CYB5R4: variants seen among roughly 807,000 people sequenced by gnomAD.
CYB5R4 encodes N-terminal cytochrome b5 and cytochrome b5 oxidoreductase domain-containing protein.
CYB5R4 carries 55 observed loss-of-function variants against 70.2 expected under a neutral mutation model. The ratio of observed to expected loss-of-function variants is 0.78; its 90% CI spans 0.63 to 0.98. CYB5R4 has a LOEUF of 0.98. Ranked by LOEUF, CYB5R4 falls within the 50% of genes least tolerant of loss-of-function variation. The pLI is 0.00. For synonymous variants in CYB5R4, 197 were observed against 199.5 expected, an observed-to-expected ratio of 0.99 and a Z score of 0.11; for missense variants, 562 against 612.6, an observed-to-expected ratio of 0.92 and a Z score of 0.87.
At chr6:83,951,241 T>G (rs2099471467) in intron 14 of CYB5R4, among the ~76,000 whole-genome samples, 1 of 152,206 alleles carries the variant, frequency 6.6e-6, no homozygotes, top group East Asian at 1.9e-4. Flanking sequence ...TCAATACCTC[T>G]CTAACTATTC....
intron 2 of CYB5R4, among the ~76,000 whole-genome samples, chr6:83,888,441 C>T (rs1443922559): frequency 6.6e-6 from 1 of 152,128 alleles, no homozygotes; most frequent in Non-Finnish European, 1.5e-5. Flanking sequence ...GTCTCTGTGT[C>T]ACATTTTGAT....
At chr6:83,901,030 C>T (rs1043174736) in intron 3 of CYB5R4, among the ~76,000 whole-genome samples, 21 of 152,296 alleles carry the variant, frequency 1.4e-4, no homozygotes, top group Non-Finnish European at 1.9e-4. Context: ...TTACTTTGCT[C>T]GTTAGCTGAT....
chr6:83,905,327 G>A (rs1223299578), intron 3 of CYB5R4, among the ~76,000 whole-genome samples: 5 of 152,226 alleles, frequency 3.3e-5, no homozygotes, highest in Non-Finnish European at 7.3e-5. Flanking sequence ...AAAGTGCGGA[G>A]CCACTGCGCC....
At chr6:83,874,566 A>C (rs1219541635) in intron 2 of CYB5R4, among the ~76,000 whole-genome samples, 5 of 149,586 alleles carry the variant, frequency 3.3e-5, no homozygotes, top group Admixed American at 3.3e-4. Context: ...TGTTCTTACC[A>C]GTCCTTTCCA....
chr6:83,912,392 A>G (rs528929590), intron 4 of CYB5R4, among the ~76,000 whole-genome samples: 1 of 152,362 alleles, frequency 6.6e-6, no homozygotes, highest in East Asian at 1.9e-4. Flanking sequence ...AAGAATGAGC[A>G]TATTGGTAAA....
chr6:83,940,842 C>T (rs1056205613), intron 14 of CYB5R4, among the ~76,000 whole-genome samples: 3 of 152,112 alleles, frequency 2.0e-5, no homozygotes, highest in African/African-American at 7.2e-5. Context: ...GCTTTATGAT[C>T]ATGTTATGTG....
chr6:83,908,860 C>G lies in CYB5R4; in HGVS notation c.331-149C>G, dbSNP rs61762810. Reference sequence around the variant, plus strand: ...ATCTCTATCTGTGCAGCCTTTCTATCACACCCTGGTAGACTAATTGAATAT... The same window carrying G: ...ATCTCTATCTGTGCAGCCTTTCTATGACACCCTGGTAGACTAATTGAATAT... On this transcript the variant is annotated intron_variant, in intron 3 of 15. Coordinates refer to ENST00000369681, the MANE Select transcript of CYB5R4 (RefSeq NM_016230.4). 7.2e-3 allele frequency: 4,367 copies of G among 604,382 alleles called. 147 individuals carry two copies. The highest frequency in any genetic ancestry group is 0.072 in the African/African-American group (3,912 of 54,522). The allele number at this position is 604,382 out of a possible 1,614,324, so 37.4% of individuals were successfully genotyped here. A position where few individuals can be genotyped will look rare whatever the true frequency, so the allele number is the denominator to read the frequency against.
In CYB5R4 at chr6:83,938,567, C is replaced by T. The variant is rs16874123; in HGVS notation, c.1109-1489C>T. Among the ~76,000 whole-genome samples, 1,210 of 152,312 alleles carry T rather than the reference C, an allele frequency of 7.9e-3. 18 individuals carry two copies. Among genetic ancestry groups the T allele is most frequent in the African/African-American group, 0.027 (1,140 of 41,564 alleles). On this transcript the variant is annotated intron_variant, in intron 12 of 15. Transcript: ENST00000369681. ...TATCCTCAATGGGACATGTAATGTTCAGGTCACTAGATACATGTAACCCCA... is the reference window on the plus strand; with the variant it reads ...TATCCTCAATGGGACATGTAATGTTTAGGTCACTAGATACATGTAACCCCA...
chr6:83,939,290 A>G lies in CYB5R4; in HGVS notation c.1109-766A>G, dbSNP rs1437226496. Among the ~76,000 whole-genome samples, 8 of 152,158 alleles carry G rather than the reference A, an allele frequency of 5.3e-5. 1 individual carries two copies. The highest frequency in any genetic ancestry group is 1.9e-4 in the African/African-American group (8 of 41,454). ...CTTTATTTTTCCTTTTTAAGATTAC[A>G]TTTCAAGTTTCTGAATCTAGTCCTA... is the stretch of plus-strand genomic sequence containing the variant. On this transcript the variant is annotated intron_variant, in intron 12 of 15. Transcript: ENST00000369681.
chr6:83,901,942 G>A (rs2099463044), intron 3 of CYB5R4, among the ~76,000 whole-genome samples: 1 of 151,886 alleles, frequency 6.6e-6, no homozygotes, highest in African/African-American at 2.4e-5. Flanking sequence ...TAGATAAATA[G>A]AGTGCAGATA....
At chr6:83,918,198 A>G in intron 6 of CYB5R4, 133 bp downstream of exon 6, 1 of 559,724 alleles carries the variant, frequency 1.8e-6, no homozygotes. Context: ...AAGAACTGTA[A>G]TGCCTCATTT....
intron 14 of CYB5R4, among the ~76,000 whole-genome samples, chr6:83,950,664 G>C (rs2099471387): frequency 6.6e-6 from 1 of 151,890 alleles, no homozygotes; most frequent in African/African-American, 2.4e-5. Context: ...AAAGGTAGTG[G>C]TACATTTTTT....
chr6:83,894,814 G>T (rs2099461613), intron 3 of CYB5R4, among the ~76,000 whole-genome samples: 1 of 152,188 alleles, frequency 6.6e-6, no homozygotes, highest in Non-Finnish European at 1.5e-5. Context: ...GGATCATCAT[G>T]AAGGTCTTCA....
chr6:83,942,304 T>C (rs928951332), intron 14 of CYB5R4, among the ~76,000 whole-genome samples: 1 of 152,056 alleles, frequency 6.6e-6, no homozygotes, highest in Non-Finnish European at 1.5e-5. Flanking sequence ...GATTATACAG[T>C]GGGTGCAGTC....
rs534453009 is a variant in CYB5R4 at position 83,867,028 on chromosome 6, G to C, written c.229+2700G>C. 7.2e-5 allele frequency among the ~76,000 whole-genome samples: 11 copies of C among 152,266 alleles called. No individual in the cohort carries two copies. In the South Asian group the frequency reaches 2.1e-3, roughly 29 times the overall value. Reference sequence around the variant, plus strand: ...GTGTCTTTTTTTAAATCTTTTTACAGAGTTTGGTCTTTTATTTTATCAAGA... The same window carrying C: ...GTGTCTTTTTTTAAATCTTTTTACACAGTTTGGTCTTTTATTTTATCAAGA... On this transcript the variant is annotated intron_variant, in intron 2 of 15. Coordinates refer to ENST00000369681, the MANE Select transcript of CYB5R4 (RefSeq NM_016230.4).
At chr6:83,867,541 G>A (rs1178378967) in intron 2 of CYB5R4, among the ~76,000 whole-genome samples, 1 of 152,170 alleles carries the variant, frequency 6.6e-6, no homozygotes, top group Admixed American at 6.5e-5. Context: ...GGTAAGGAAA[G>A]CATTTATCTT....
At position 83,893,941 on chromosome 6, in the gene CYB5R4, G is replaced by A. The variant is rs1588566907; in HGVS notation, c.330+319G>A. 2.0e-5 allele frequency among the ~76,000 whole-genome samples: 3 copies of A among 152,184 alleles called. No homozygotes were observed. The South Asian group carries it at 6.2e-4, about 32-fold the overall frequency. On this transcript the variant is annotated intron_variant, in intron 3 of 15. Coordinates refer to ENST00000369681, the MANE Select transcript of CYB5R4 (RefSeq NM_016230.4). ...TTATGGGAGGTAGTGACAATTGGAAGAAGGAACATTGGGATCCGCTGCTAA... is the reference window on the plus strand; with the variant it reads ...TTATGGGAGGTAGTGACAATTGGAAAAAGGAACATTGGGATCCGCTGCTAA...
chr6:83,880,869 T>G (rs1452339392), intron 2 of CYB5R4, among the ~76,000 whole-genome samples: 1 of 152,234 alleles, frequency 6.6e-6, no homozygotes, highest in African/African-American at 2.4e-5. Flanking sequence ...GCCGGTCTAC[T>G]CTCACTAAGA....
chr6:83,930,685 G>A (rs1393649138), intron 10 of CYB5R4, among the ~76,000 whole-genome samples: 5 of 151,384 alleles, frequency 3.3e-5, no homozygotes, highest in Admixed American at 3.3e-4. Context: ...TATTAATGTT[G>A]CTATTTTGAC....
Sources: gnomAD v4.1 joint callset for allele counts (sites outside exome capture counted in the v4.1 genomes callset) on GRCh38, gnomAD v4.1.1 for gene constraint, MANE v1.5 for transcripts, NCBI Gene and HGNC (gene_info 2026-07-23, HGNC 2026-07-21) for gene names.